GPR158: variants seen among roughly 807,000 people sequenced by gnomAD.
GPR158 encodes the protein G protein-coupled receptor 158.
Under a neutral mutation model 78.2 loss-of-function variants are expected in GPR158, and 30 were observed. The ratio of observed to expected loss-of-function variants is 0.38; its 90% CI spans 0.29 to 0.52. GPR158 has a LOEUF of 0.52. Ranked by LOEUF, GPR158 falls within the 20% of genes least tolerant of loss-of-function variation. GPR158 has a pLI of 0.83. For missense variants in GPR158, 1,463 were observed against 1,523.5 expected (o/e 0.96, Z 0.66); for synonymous variants, 581 against 591.1 (o/e 0.98, Z 0.25).
chr10:25,480,370 T>C (rs1323229178), intron 5 of GPR158, among the ~76,000 whole-genome samples: 2 of 152,236 alleles, frequency 1.3e-5, no homozygotes, highest in South Asian at 2.1e-4. Flanking sequence ...GTAACTATTT[T>C]AAATGCAAAA....
At chr10:25,366,574 A>T (rs528947596) in intron 2 of GPR158, among the ~76,000 whole-genome samples, 1 of 151,752 alleles carries the variant, frequency 6.6e-6, no homozygotes, top group Non-Finnish European at 1.5e-5. Context: ...TGATGAGAAC[A>T]TATAAAATCT....
intron 2 of GPR158, among the ~76,000 whole-genome samples, chr10:25,292,155 C>T (rs936626813): frequency 6.6e-6 from 1 of 150,718 alleles, no homozygotes; most frequent in Non-Finnish European, 1.5e-5. Context: ...ACTTATGTAT[C>T]AATTGGTTTA....
At chr10:25,245,519 T>C (rs1853677469) in intron 2 of GPR158, among the ~76,000 whole-genome samples, 1 of 152,218 alleles carries the variant, frequency 6.6e-6, no homozygotes, top group African/African-American at 2.4e-5. Context: ...AGTTCTGTTG[T>C]GTATGAGTGT....
chr10:25,191,895 A>G (rs1852776154), intron 1 of GPR158, among the ~76,000 whole-genome samples: 1 of 152,110 alleles, frequency 6.6e-6, no homozygotes. Context: ...ACTGTAACAT[A>G]GGGGCTATCA....
intron 2 of GPR158, among the ~76,000 whole-genome samples, chr10:25,374,431 A>T (rs958892785): frequency 2.6e-5 from 4 of 151,712 alleles, no homozygotes; most frequent in Non-Finnish European, 5.9e-5. Context: ...CATCAATGTT[A>T]TATGCATTTA....
intron 2 of GPR158, among the ~76,000 whole-genome samples, chr10:25,365,345 C>T (rs1035877082): frequency 1.3e-5 from 2 of 151,286 alleles, no homozygotes; most frequent in African/African-American, 2.4e-5. Flanking sequence ...TTTGATTTAG[C>T]GTTTAGTAGG....
chr10:25,528,620 G>A (rs1836382656), intron 5 of GPR158, among the ~76,000 whole-genome samples: 1 of 152,110 alleles, frequency 6.6e-6, no homozygotes, highest in Non-Finnish European at 1.5e-5. Flanking sequence ...AGAATATAGT[G>A]TTAAGAGAAT....
intron 2 of GPR158, among the ~76,000 whole-genome samples, chr10:25,328,651 G>T (rs1395887846): frequency 6.6e-6 from 1 of 151,904 alleles, no homozygotes; most frequent in Non-Finnish European, 1.5e-5. Flanking sequence ...AATTGGCCGG[G>T]CGTGGTACCT....
chr10:25,310,688 T>C (rs1443107307), intron 2 of GPR158, among the ~76,000 whole-genome samples: 1 of 152,168 alleles, frequency 6.6e-6, no homozygotes, highest in Admixed American at 6.5e-5. Flanking sequence ...AATATATATC[T>C]TTCAACTTTG....
At chr10:25,401,624 G>A (rs1053859809) in intron 3 of GPR158, among the ~76,000 whole-genome samples, 1 of 151,666 alleles carries the variant, frequency 6.6e-6, no homozygotes, top group African/African-American at 2.4e-5. Flanking sequence ...TTATATATTT[G>A]CATTATTTTA....
At chr10:25,309,891 CT>C (rs1854739042) in intron 2 of GPR158, among the ~76,000 whole-genome samples, 1 of 152,172 alleles carries the variant, frequency 6.6e-6, no homozygotes. Context: ...TATTACACTT[CT>C]TTTCTGTATA....
At chr10:25,241,164 T>TCTTTCTTTC (rs1853604608) in intron 2 of GPR158, among the ~76,000 whole-genome samples, 1 of 115,952 alleles carries the variant, frequency 8.6e-6, no homozygotes, top group Non-Finnish European at 1.7e-5. Context: ...TTTCTTTCTT[T>TCTTTCTTTC]CTTTCTTTCT....
intron 2 of GPR158, among the ~76,000 whole-genome samples, chr10:25,361,197 TGTGA>T (rs1231815887): frequency 6.6e-6 from 1 of 152,028 alleles, no homozygotes; most frequent in African/African-American, 2.4e-5. Context: ...TTTGGCTTTT[TGTGA>T]GTGTCTTATT....
At chr10:25,416,538 G>A (rs891316011) in intron 4 of GPR158, among the ~76,000 whole-genome samples, 1 of 152,018 alleles carries the variant, frequency 6.6e-6, no homozygotes, top group Non-Finnish European at 1.5e-5. Context: ...CCTGGGTATT[G>A]ATCATGAAGT....
In GPR158 at chr10:25,175,533, G is replaced by A. The variant is rs1852513148; in HGVS notation, c.113G>A (p.Arg38Lys). Residue 38 changes from arginine to lysine, a missense_variant, in exon 1 of 11, where the codon AGG becomes AAG. Coordinates refer to ENST00000376351, the MANE Select transcript of GPR158 (RefSeq NM_020752.3). This position sits in a 1 kb window ranked among gnomAD's most constrained non-coding sequence, Gnocchi z 6.4. Reference protein sequence around the residue: ...PQGRPDSPRERTPKGKPHAQQ... With the variant: ...PQGRPDSPREKTPKGKPHAQQ... ...GGACGGCCGGATTCCCCTCGAGAGAGGACCCCGAAGGGGAAGCCGCACGCC... is the reference window on the plus strand; with the variant it reads ...GGACGGCCGGATTCCCCTCGAGAGAAGACCCCGAAGGGGAAGCCGCACGCC... 6.2e-7 allele frequency: 1 copy of A among 1,611,890 alleles called. No individual in the cohort carries two copies. Among genetic ancestry groups the A allele is most frequent in the Non-Finnish European group, 8.5e-7 (1 of 1,179,878 alleles).
intron 5 of GPR158, among the ~76,000 whole-genome samples, chr10:25,480,934 C>T (rs971182258): frequency 6.6e-6 from 1 of 152,132 alleles, no homozygotes; most frequent in Non-Finnish European, 1.5e-5. Flanking sequence ...AAGACACCTT[C>T]GTGGCTCTTG....
At chr10:25,547,589 C>G (rs1836679291) in intron 5 of GPR158, among the ~76,000 whole-genome samples, 1 of 152,136 alleles carries the variant, frequency 6.6e-6, no homozygotes, top group African/African-American at 2.4e-5. Flanking sequence ...ATTTCCCTTT[C>G]CTCTGAAATC....
At chr10:25,565,691 C>T (rs1836919947) in intron 6 of GPR158, among the ~76,000 whole-genome samples, 1 of 152,172 alleles carries the variant, frequency 6.6e-6, no homozygotes, top group Non-Finnish European at 1.5e-5. Flanking sequence ...TCAGAATTGT[C>T]TTTTACACAT....
At chr10:25,403,838 T>C (rs1834476644) in intron 3 of GPR158, among the ~76,000 whole-genome samples, 1 of 152,068 alleles carries the variant, frequency 6.6e-6, no homozygotes, top group Non-Finnish European at 1.5e-5. Flanking sequence ...GCATCTGTAT[T>C]ATAGATCAGT....
Sources: allele counts gnomAD v4.1 joint callset (sites outside exome capture counted in the v4.1 genomes callset), GRCh38; gene constraint gnomAD v4.1.1; non-coding constraint Gnocchi (gnomAD v3.1); transcripts MANE v1.5; gene names NCBI Gene and HGNC (gene_info 2026-07-23, HGNC 2026-07-21).